ANKRD31: variants seen among roughly 807,000 people sequenced by gnomAD.
ANKRD31 encodes the protein ankyrin repeat domain 31.
A neutral mutation model predicts 186.0 loss-of-function variants in ANKRD31; 147 were observed. The ratio of observed to expected loss-of-function variants is 0.79; its 90% CI spans 0.69 to 0.91. The LOEUF is 0.91. ANKRD31 is among the 40% of genes least tolerant of loss of function. ANKRD31 has a pLI of 0.00. For synonymous variants in ANKRD31, 673 were observed against 736.4 expected, an observed-to-expected ratio of 0.91 and a Z score of 1.39; for missense variants, 1,986 against 2,148.8, an observed-to-expected ratio of 0.92 and a Z score of 1.50.
intron 3 of ANKRD31, among the ~76,000 whole-genome samples, chr5:75,217,869 A>C (rs891917078): frequency 7.9e-5 from 12 of 152,130 alleles, no homozygotes; most frequent in African/African-American, 2.9e-4. Context: ...TGTGTACTTA[A>C]GTGTGTTTTT....
intron 10 of ANKRD31, among the ~76,000 whole-genome samples, chr5:75,180,977 T>C (rs2150218426): frequency 6.6e-6 from 1 of 151,402 alleles, no homozygotes; most frequent in African/African-American, 2.4e-5. Flanking sequence ...TTTTGCAACC[T>C]ACTCATCTGA....
intron 15 of ANKRD31, among the ~76,000 whole-genome samples, chr5:75,142,952 C>A (rs1201278681): frequency 6.6e-6 from 1 of 152,190 alleles, no homozygotes; most frequent in Non-Finnish European, 1.5e-5. Flanking sequence ...CAAATTACCA[C>A]AAACTGGGTG....
intron 12 of ANKRD31, among the ~76,000 whole-genome samples, chr5:75,149,041 C>T (rs1485361965): frequency 6.6e-6 from 1 of 151,726 alleles, no homozygotes; most frequent in African/African-American, 2.4e-5. Flanking sequence ...TAATAAGGTC[C>T]TAATTGAATG....
At chr5:75,181,908 C>A (rs1461462655) in intron 10 of ANKRD31, among the ~76,000 whole-genome samples, 12 of 150,484 alleles carry the variant, frequency 8.0e-5, no homozygotes, top group Admixed American at 4.6e-4. Context: ...AAAAAAGAAG[C>A]CACATGTTGA....
intron 5 of ANKRD31, among the ~76,000 whole-genome samples, chr5:75,201,604 C>T (rs533558514): frequency 1.5e-4 from 23 of 152,104 alleles, no homozygotes; most frequent in Non-Finnish European, 3.4e-4. Flanking sequence ...TTGTCTTTAA[C>T]AACTTCATCT....
chr5:75,213,748 T>G (rs188204719), intron 3 of ANKRD31, among the ~76,000 whole-genome samples: 20 of 152,332 alleles, frequency 1.3e-4, no homozygotes, highest in Admixed American at 1.2e-3. Flanking sequence ...GAGAGGTTAA[T>G]TGTGTTAATT....
chr5:75,140,399 G>A (rs1355811062), intron 15 of ANKRD31, among the ~76,000 whole-genome samples: 1 of 151,946 alleles, frequency 6.6e-6, no homozygotes, highest in East Asian at 1.9e-4. Context: ...AAACGGATAG[G>A]GTGAAGAAAC....
At chr5:75,185,854 T>C (rs1754676767) in intron 10 of ANKRD31, among the ~76,000 whole-genome samples, 1 of 151,774 alleles carries the variant, frequency 6.6e-6, no homozygotes, top group South Asian at 2.1e-4. Context: ...ATTTGTTATA[T>C]AATAATTATG....
At position 75,105,190 on chromosome 5, in the gene ANKRD31, C is replaced by T. The variant is rs1747233408; in HGVS notation, c.4369G>A (p.Ala1457Thr). 2 of 1,530,134 alleles carry T rather than the reference C, an allele frequency of 1.3e-6. No individual in the cohort carries two copies. The highest frequency in any genetic ancestry group is 1.7e-4 in the Middle Eastern group (1 of 5,818). 94.8% of individuals were successfully genotyped at this position (1,530,134 alleles called of 1,614,324 possible). A position where few individuals can be genotyped will look rare whatever the true frequency, so the allele number is the denominator to read the frequency against. The change falls in exon 22 of 26, where the codon GCC becomes ACC. Residue 1457 changes from alanine (A) to threonine (T), a missense_variant. By Grantham distance (58) the Ala-to-Thr change is moderately conservative. Coordinates refer to ENST00000506364, the MANE Select transcript of ANKRD31 (RefSeq NM_001372053.1). ...AAGTTGGCCAATTGTTCTCTCAGGGCTCCATGCTTAAATGACTCTATGGAT... is the reference window on the plus strand; with the variant it reads ...AAGTTGGCCAATTGTTCTCTCAGGGTTCCATGCTTAAATGACTCTATGGAT... ...RVSIESFKHG[A>T]LREQLANLAA...
At chr5:75,120,690 GA>G (rs894423938) in intron 17 of ANKRD31, among the ~76,000 whole-genome samples, 1 of 151,456 alleles carries the variant, frequency 6.6e-6, no homozygotes, top group Non-Finnish European at 1.5e-5. Context: ...AGACGCAGAA[GA>G]AAAAAAATGA....
At chr5:75,117,957 A>G (rs893820178) in intron 18 of ANKRD31, among the ~76,000 whole-genome samples, 178 bp downstream of exon 18, 3 of 152,188 alleles carry the variant, frequency 2.0e-5, no homozygotes, top group African/African-American at 4.8e-5. Context: ...CATATGATCT[A>G]TAAATTAAAC....
chr5:75,191,851 T>TAC (rs1466341367), intron 9 of ANKRD31, among the ~76,000 whole-genome samples: 1 of 152,096 alleles, frequency 6.6e-6, no homozygotes, highest in Non-Finnish European at 1.5e-5. Context: ...AATACATACA[T>TAC]ATATGTGAAA....
chr5:75,095,305 T>G (rs1424868202), intron 22 of ANKRD31, among the ~76,000 whole-genome samples: 1 of 151,236 alleles, frequency 6.6e-6, no homozygotes, highest in Non-Finnish European at 1.5e-5. Flanking sequence ...CTGTCTCTAC[T>G]AAAAATACAA....
chr5:75,086,909 G>C (rs576843798), intron 23 of ANKRD31, among the ~76,000 whole-genome samples: 5 of 151,972 alleles, frequency 3.3e-5, no homozygotes, highest in African/African-American at 9.7e-5. Flanking sequence ...ACACACACAT[G>C]CATGTTTGAG....
chr5:75,197,646 T>C (rs1755558299), intron 6 of ANKRD31, among the ~76,000 whole-genome samples: 1 of 152,126 alleles, frequency 6.6e-6, no homozygotes, highest in African/African-American at 2.4e-5. Flanking sequence ...TCCTACTCAC[T>C]CTCTAAGTCT....
At chr5:75,227,274 T>C (rs1487846925) in intron 2 of ANKRD31, among the ~76,000 whole-genome samples, 1 of 152,048 alleles carries the variant, frequency 6.6e-6, no homozygotes, top group African/African-American at 2.4e-5. Flanking sequence ...TACCAGAGAC[T>C]GGGAAAAATA....
chr5:75,203,234 CA>C (rs1442476329), intron 5 of ANKRD31, among the ~76,000 whole-genome samples: 1 of 152,104 alleles, frequency 6.6e-6, no homozygotes, highest in Non-Finnish European at 1.5e-5. Flanking sequence ...CTCAGGAGGC[CA>C]AATGGGCAGG....
At chr5:75,142,813 C>T (rs566278023) in intron 15 of ANKRD31, among the ~76,000 whole-genome samples, 65 of 152,214 alleles carry the variant, frequency 4.3e-4, no homozygotes, top group Middle Eastern at 3.4e-3. Flanking sequence ...AAAATTCTTA[C>T]CTCTGGAGCA....
At chr5:75,181,392 C>T (rs1056942335) in intron 10 of ANKRD31, among the ~76,000 whole-genome samples, 1 of 152,006 alleles carries the variant, frequency 6.6e-6, no homozygotes, top group Non-Finnish European at 1.5e-5. Flanking sequence ...TGGGTATATA[C>T]CCAAAGGATT....
Sources: allele counts gnomAD v4.1 joint callset (sites outside exome capture counted in the v4.1 genomes callset), GRCh38; gene constraint gnomAD v4.1.1; transcripts MANE v1.5; gene names NCBI Gene and HGNC (gene_info 2026-07-23, HGNC 2026-07-21).